The following PVT1 variants were observed in gnomAD, a reference collection of about 807,000 sequenced individuals.
PVT1 encodes the protein CXCR4/PVT1 fusion.
At chr8:127,845,922 G>A (rs920151505) in intron 2 of PVT1, among the ~76,000 whole-genome samples, 1 of 152,178 alleles carries the variant, frequency 6.6e-6, no homozygotes, top group South Asian at 2.1e-4. Flanking sequence ...ACTCCTATTT[G>A]TCTTAGCTTC....
At chr8:127,965,047 G>A (rs1460700716) in intron 3 of PVT1, among the ~76,000 whole-genome samples, 1 of 152,084 alleles carries the variant, frequency 6.6e-6, no homozygotes, top group Admixed American at 6.5e-5. Context: ...TCTTTTTTCG[G>A]TGGGTGAAGA....
At chr8:127,959,768 C>T (rs112952573) in intron 3 of PVT1, among the ~76,000 whole-genome samples, 49 of 152,094 alleles carry the variant, frequency 3.2e-4, no homozygotes, top group Admixed American at 5.9e-4. Context: ...GAGAACAAAC[C>T]GGTTAGGAAA....
At chr8:127,926,120 C>T (rs993474859) in intron 3 of PVT1, among the ~76,000 whole-genome samples, 6 of 152,194 alleles carry the variant, frequency 3.9e-5, no homozygotes, top group African/African-American at 1.4e-4. Context: ...GGCCGGCTCT[C>T]TTCTCCCCAG....
chr8:127,916,685 C>T lies in PVT1; in HGVS notation n.782+25687C>T, dbSNP rs913189734. Among the ~76,000 whole-genome samples the T allele has an allele frequency of 5.3e-5, 8 of 152,296 alleles. No homozygotes were observed. In the East Asian group the frequency reaches 5.8e-4, roughly 11 times the overall value. The stretch of plus-strand genomic sequence containing the variant: ...TTGTCCTCCTCTCATCCTGGTGAGG[C>T]GTGTGATCCAGGTGAGAAGCAGGGA... On this transcript the variant is annotated intron_variant and non_coding_transcript_variant, in intron 3 of 10. Transcript: ENST00000651587.
chr8:127,932,656 G>A, intron 3 of PVT1: 1 of 397,800 alleles, frequency 2.5e-6, no homozygotes, highest in East Asian at 3.6e-5. Flanking sequence ...ACAGCTTCAA[G>A]GCCCCTTCTT....
chr8:127,958,481 C>A (rs1202462883), intron 3 of PVT1, among the ~76,000 whole-genome samples: 1 of 152,160 alleles, frequency 6.6e-6, no homozygotes, highest in African/African-American at 2.4e-5. Context: ...CTCAGGCATC[C>A]GCCTGCTTTG....
chr8:128,041,499 A>ATG (rs972331091), intron 4 of PVT1, among the ~76,000 whole-genome samples: 7 of 36,336 alleles, frequency 1.9e-4, no homozygotes, highest in Admixed American at 6.8e-4. Flanking sequence ...TGTGTTTGGT[A>ATG]TGTGTGTGTG....
chr8:127,956,222 A>G (rs2129935734), intron 3 of PVT1, among the ~76,000 whole-genome samples: 1 of 152,374 alleles, frequency 6.6e-6, no homozygotes, highest in Non-Finnish European at 1.5e-5. Context: ...CTTGTTCCAC[A>G]GGAAGGATGG....
intron 2 of PVT1, among the ~76,000 whole-genome samples, chr8:127,801,828 T>G (rs935189625): frequency 1.3e-5 from 2 of 152,168 alleles, no homozygotes; most frequent in Admixed American, 1.3e-4. Context: ...GAAATTGATA[T>G]GTACTGTGTG....
At chr8:127,834,197 A>G (rs1164432733) in intron 2 of PVT1, among the ~76,000 whole-genome samples, 1 of 152,168 alleles carries the variant, frequency 6.6e-6, no homozygotes, top group Non-Finnish European at 1.5e-5. Flanking sequence ...TAGCCAAAAC[A>G]GCATGATACT....
intron 2 of PVT1, among the ~76,000 whole-genome samples, chr8:127,890,133 T>C (rs1815582292): frequency 6.6e-6 from 1 of 152,192 alleles, no homozygotes; most frequent in Non-Finnish European, 1.5e-5. Flanking sequence ...CAGGGTTTTG[T>C]GGTTGTCTTT....
At chr8:127,883,053 G>A (rs1378736056) in intron 2 of PVT1, among the ~76,000 whole-genome samples, 2 of 122,928 alleles carry the variant, frequency 1.6e-5, no homozygotes, top group African/African-American at 3.7e-5. Flanking sequence ...ACACATGCAT[G>A]CACACACATC....
At chr8:127,903,708 C>T (rs1804224278) in intron 3 of PVT1, among the ~76,000 whole-genome samples, 1 of 152,140 alleles carries the variant, frequency 6.6e-6, no homozygotes, top group African/African-American at 2.4e-5. Flanking sequence ...CTCTTTTTGT[C>T]AAGTTTGTTG....
At chr8:127,798,073 C>CA (rs1409969240) in intron 2 of PVT1, among the ~76,000 whole-genome samples, 1 of 151,986 alleles carries the variant, frequency 6.6e-6, no homozygotes, top group Non-Finnish European at 1.5e-5. Context: ...GAGGCTGAGG[C>CA]AGGTGGATCA....
intron 3 of PVT1, among the ~76,000 whole-genome samples, chr8:127,907,136 T>G (rs1311570665): frequency 1.3e-5 from 2 of 152,036 alleles, no homozygotes; most frequent in African/African-American, 4.8e-5. Flanking sequence ...AATTTTTATT[T>G]TTAATTTTTT....
At chr8:127,951,271 C>G (rs960484823) in intron 3 of PVT1, among the ~76,000 whole-genome samples, 22 of 152,332 alleles carry the variant, frequency 1.4e-4, no homozygotes, top group African/African-American at 5.3e-4. Flanking sequence ...TTCATCCCAC[C>G]TGCTCCTTCT....
At chr8:127,914,665 T>C (rs947654112) in intron 3 of PVT1, among the ~76,000 whole-genome samples, 4 of 152,160 alleles carry the variant, frequency 2.6e-5, no homozygotes, top group African/African-American at 9.7e-5. Flanking sequence ...CTGTTCTAGG[T>C]GACAGAAGCT....
At chr8:127,900,179 C>CT in intron 3 of PVT1, among the ~76,000 whole-genome samples, 1 of 152,102 alleles carries the variant, frequency 6.6e-6, no homozygotes. Flanking sequence ...GTAGCTGGGA[C>CT]TGCAGGCGCG....
chr8:127,902,683 G>A lies in PVT1; in HGVS notation n.782+11685G>A, dbSNP rs542466101. 1.1e-4 allele frequency among the ~76,000 whole-genome samples: 17 copies of A among 152,050 alleles called. No homozygotes were observed. In the East Asian group the frequency reaches 1.4e-3, roughly 12 times the overall value. On this transcript the variant is annotated intron_variant and non_coding_transcript_variant, in intron 3 of 10. Transcript: ENST00000651587. ...TTCCCACTTATAAGTGAGAACATGC[G>A]GTATTTTGTTTTCTGTTTCAGCATT...
Sources: allele counts gnomAD v4.1 joint callset (sites outside exome capture counted in the v4.1 genomes callset), GRCh38; gene constraint gnomAD v4.1.1; transcripts MANE v1.5; gene names NCBI Gene and HGNC (gene_info 2026-07-23, HGNC 2026-07-21).